Variants in ASTN2 observed in about 807,000 individuals in gnomAD.
ASTN2 encodes astrotactin-2.
Under a neutral mutation model 139.8 loss-of-function variants are expected in ASTN2, and 54 were observed. The ratio of observed to expected loss-of-function variants is 0.39; its 90% CI spans 0.31 to 0.48. ASTN2 has a LOEUF of 0.48. Ranked by LOEUF, ASTN2 falls within the 20% of genes least tolerant of loss-of-function variation. ASTN2 has a pLI of 0.95. For missense variants in ASTN2, 1,565 were observed against 1,725.1 expected, an observed-to-expected ratio of 0.91 and a Z score of 1.64; for synonymous variants, 756 against 719.5, an observed-to-expected ratio of 1.05 and a Z score of -0.81.
chr9:117,389,449 G>A (rs59517124), intron 1 of ASTN2, among the ~76,000 whole-genome samples: 85 of 152,310 alleles, frequency 5.6e-4, no homozygotes, highest in African/African-American at 2.0e-3. Context: ...CCACCAGCTG[G>A]AAGGCAAAGG....
At position 116,940,616 on chromosome 9, in the gene ASTN2, A is replaced by C. The variant is rs1450580123; in HGVS notation, c.1889+34592T>G. ...CATGTACACCCATATGTGTGTTTTA[A>C]GCTAAGTGTTACTACAAGTCAAAAA... On this transcript the variant is annotated intron_variant, in intron 10 of 22. Transcript: ENST00000313400. Among the ~76,000 whole-genome samples the C allele has an allele frequency of 1.3e-5, 2 of 152,224 alleles. 1 individual carries two copies. Among genetic ancestry groups the C allele is most frequent in the Non-Finnish European group, 2.9e-5 (2 of 68,046 alleles).
intron 3 of ASTN2, among the ~76,000 whole-genome samples, chr9:117,183,016 C>A (rs1831113351): frequency 6.6e-6 from 1 of 152,256 alleles, no homozygotes; most frequent in Non-Finnish European, 1.5e-5. Context: ...TTGAACGCTA[C>A]ATACCCTTCT....
intron 11 of ASTN2, among the ~76,000 whole-genome samples, chr9:116,857,196 T>C (rs1233893222): frequency 1.3e-5 from 2 of 152,240 alleles, no homozygotes; most frequent in Non-Finnish European, 1.5e-5. Context: ...TTTATATTAC[T>C]AGCTTTTCTT....
chr9:116,874,363 G>A (rs1833241646), intron 10 of ASTN2, among the ~76,000 whole-genome samples: 2 of 152,148 alleles, frequency 1.3e-5, no homozygotes, highest in African/African-American at 4.8e-5. Context: ...TTAGCTTCCT[G>A]CATGCCTAGA....
At chr9:117,097,168 G>A (rs2132756661) in intron 4 of ASTN2, among the ~76,000 whole-genome samples, 1 of 152,344 alleles carries the variant, frequency 6.6e-6, no homozygotes, top group Middle Eastern at 3.4e-3. Flanking sequence ...GAGGGCCTGT[G>A]CAGCGAGGAT....
intron 1 of ASTN2, among the ~76,000 whole-genome samples, chr9:117,320,630 C>T (rs1828296045): frequency 6.6e-6 from 1 of 152,196 alleles, no homozygotes; most frequent in Non-Finnish European, 1.5e-5. Flanking sequence ...CTCTGCCCCT[C>T]CTTAGTGACT....
intron 6 of ASTN2, among the ~76,000 whole-genome samples, chr9:117,033,417 T>C (rs2050274): frequency 0.74 from 112,296 of 152,030 alleles, 41,590 homozygotes; most frequent in East Asian, 0.86. Context: ...AAAAGCTTTA[T>C]GAGCATTATT....
At chr9:116,533,430 T>C (rs928716931) in intron 19 of ASTN2, among the ~76,000 whole-genome samples, 2 of 152,222 alleles carry the variant, frequency 1.3e-5, no homozygotes, top group African/African-American at 4.8e-5. Flanking sequence ...GGTATCCCTG[T>C]CTTGTGCCAG....
chr9:116,579,687 A>G (rs1853869748), intron 19 of ASTN2, among the ~76,000 whole-genome samples: 1 of 152,170 alleles, frequency 6.6e-6, no homozygotes, highest in Non-Finnish European at 1.5e-5. Context: ...TTGAGACCAG[A>G]CTGGGCAATA....
chr9:116,919,720 G>A (rs1834547228), intron 10 of ASTN2, among the ~76,000 whole-genome samples: 2 of 149,042 alleles, frequency 1.3e-5, no homozygotes. Flanking sequence ...GAGGCAGGTG[G>A]ATTGCTTGAT....
At chr9:116,879,441 G>A (rs1351907862) in intron 10 of ASTN2, among the ~76,000 whole-genome samples, 1 of 152,184 alleles carries the variant, frequency 6.6e-6, no homozygotes, top group African/African-American at 2.4e-5. Flanking sequence ...TTATGAGGAA[G>A]CAGCTCTGGG....
chr9:116,910,117 A>G (rs1834270321), intron 10 of ASTN2, among the ~76,000 whole-genome samples: 1 of 152,216 alleles, frequency 6.6e-6, no homozygotes, highest in Admixed American at 6.5e-5. Flanking sequence ...GTACAGTCCA[A>G]ATTTTTTGGG....
intron 19 of ASTN2, among the ~76,000 whole-genome samples, chr9:116,572,526 G>C (rs575753123): frequency 6.6e-6 from 1 of 152,228 alleles, no homozygotes; most frequent in African/African-American, 2.4e-5. Context: ...GTGTGAATAA[G>C]TGCACTGAGA....
intron 10 of ASTN2, among the ~76,000 whole-genome samples, chr9:116,933,462 T>A (rs1331450249): frequency 6.6e-6 from 1 of 152,106 alleles, no homozygotes; most frequent in Non-Finnish European, 1.5e-5. Flanking sequence ...AGATTCTGCC[T>A]CATGTTTATG....
At chr9:117,356,717 T>TA (rs997387385) in intron 1 of ASTN2, among the ~76,000 whole-genome samples, 11 of 151,658 alleles carry the variant, frequency 7.3e-5, no homozygotes, top group Non-Finnish European at 1.3e-4. Flanking sequence ...TGAAGGAAGG[T>TA]AAAAAAAATA....
At chr9:116,584,870 G>A (rs1854085950) in intron 19 of ASTN2, 1 of 152,212 alleles carries the variant, frequency 6.6e-6, no homozygotes, top group Admixed American at 6.5e-5. Context: ...AAATGTTAAA[G>A]AGAAAGCAAG....
chr9:117,313,631 T>A (rs1828045079), intron 1 of ASTN2, among the ~76,000 whole-genome samples: 1 of 152,102 alleles, frequency 6.6e-6, no homozygotes, highest in African/African-American at 2.4e-5. Context: ...ATACAAGACA[T>A]TGAGTGCCAC....
At chr9:117,093,988 C>A (rs991134893) in intron 5 of ASTN2, among the ~76,000 whole-genome samples, 2 of 152,244 alleles carry the variant, frequency 1.3e-5, no homozygotes, top group East Asian at 3.9e-4. Flanking sequence ...AATACAAACC[C>A]CACAAGAGCA....
rs1478181970 is a variant in ASTN2 at position 116,530,117 on chromosome 9, A to G, written c.3356-42617T>C. Among the ~76,000 whole-genome samples, 51 of 32,208 alleles carry G rather than the reference A, an allele frequency of 1.6e-3. 3 individuals are homozygous for G. The East Asian group carries it at 0.018, about 12-fold the overall frequency. The allele number at this position is 32,208 out of a possible 152,430, so 21.1% of individuals were successfully genotyped here. A position where few individuals can be genotyped will look rare whatever the true frequency, so the allele number is the denominator to read the frequency against. ...GTGATATATATATATATATATATAT[A>G]TATATATATATATATATATATATAT... On this transcript the variant is annotated intron_variant, in intron 19 of 22. Coordinates refer to ENST00000313400, the MANE Select transcript of ASTN2 (RefSeq NM_001365068.1).
Sources: gnomAD v4.1 joint callset for allele counts (sites outside exome capture counted in the v4.1 genomes callset) on GRCh38, gnomAD v4.1.1 for gene constraint, MANE v1.5 for transcripts, NCBI Gene and HGNC (gene_info 2026-07-23, HGNC 2026-07-21) for gene names.